Variants in CDC14B observed in about 807,000 individuals in gnomAD.
CDC14B encodes the protein cell division cycle 14B.
A neutral mutation model predicts 64.2 loss-of-function variants in CDC14B; 22 were observed. The observed-to-expected ratio is 0.34, with a 90% CI of 0.24 to 0.49. CDC14B has a LOEUF of 0.49. Ranked by LOEUF, CDC14B falls within the 20% of genes least tolerant of loss-of-function variation. CDC14B has a pLI of 0.99. For synonymous variants in CDC14B, 191 were observed against 215.8 expected (o/e 0.89, Z 1.01); for missense variants, 498 against 629.9 (o/e 0.79, Z 2.24).
intron 12 of CDC14B, among the ~76,000 whole-genome samples, chr9:96,514,011 A>C (rs1295251732): frequency 6.6e-6 from 1 of 152,256 alleles, no homozygotes; most frequent in East Asian, 1.9e-4. Flanking sequence ...TGGGGGTGCT[A>C]CAAAGATGAT....
chr9:96,510,444 G>A (rs1394552700), intron 12 of CDC14B, among the ~76,000 whole-genome samples: 1 of 151,998 alleles, frequency 6.6e-6, no homozygotes, highest in Admixed American at 6.6e-5. Context: ...AGAGTAGGCT[G>A]CCCAGGAGGA....
chr9:96,549,189 T>C (rs903013495), intron 5 of CDC14B, among the ~76,000 whole-genome samples: 5 of 152,172 alleles, frequency 3.3e-5, no homozygotes, highest in Admixed American at 6.5e-5. Flanking sequence ...GCAATAATCT[T>C]ATTTTTGTGA....
chr9:96,542,666 T>G (rs1454949369), intron 5 of CDC14B, among the ~76,000 whole-genome samples: 1 of 152,012 alleles, frequency 6.6e-6, no homozygotes, highest in Non-Finnish European at 1.5e-5. Flanking sequence ...CTTTTTTTTT[T>G]TTTTTTAAGG....
At chr9:96,548,345 G>C (rs975610826) in intron 5 of CDC14B, among the ~76,000 whole-genome samples, 1 of 151,988 alleles carries the variant, frequency 6.6e-6, no homozygotes, top group African/African-American at 2.4e-5. Context: ...GATAATACCA[G>C]AGAACAGAAA....
chr9:96,598,069 T>C (rs961327485), intron 1 of CDC14B, among the ~76,000 whole-genome samples: 15 of 151,926 alleles, frequency 9.9e-5, no homozygotes, highest in African/African-American at 3.4e-4. Flanking sequence ...TATAAGCAAA[T>C]CAAAAGGTAA....
At chr9:96,521,429 G>A (rs933793592) in intron 12 of CDC14B, among the ~76,000 whole-genome samples, 1 of 152,158 alleles carries the variant, frequency 6.6e-6, no homozygotes, top group Non-Finnish European at 1.5e-5. Flanking sequence ...CCACTAAGTT[G>A]CAAAAGAAAT....
rs1833702575 is a variant in CDC14B at position 96,503,127 on chromosome 9, C to G, written c.*626G>C. ...AAGTTTTAGGTTACTAAGGTACCACCTGGTCTTACAACATGCAACAGTGTT... is the reference window on the plus strand; with the variant it reads ...AAGTTTTAGGTTACTAAGGTACCACGTGGTCTTACAACATGCAACAGTGTT... On this transcript the variant is annotated 3_prime_UTR_variant, in exon 14 of 14. Coordinates refer to ENST00000375241, the MANE Select transcript of CDC14B (RefSeq NM_033331.4). 3 of 369,380 alleles carry G rather than the reference C, an allele frequency of 8.1e-6. No homozygotes were observed. The highest frequency in any genetic ancestry group is 9.2e-5 in the Admixed American group (2 of 21,804). The allele number at this position is 369,380 out of a possible 1,614,324, so 22.9% of individuals were successfully genotyped here. A position where few individuals can be genotyped will look rare whatever the true frequency, so the allele number is the denominator to read the frequency against.
intron 1 of CDC14B, among the ~76,000 whole-genome samples, chr9:96,604,155 T>C (rs894558605): frequency 1.3e-5 from 2 of 152,094 alleles, no homozygotes; most frequent in Non-Finnish European, 2.9e-5. Flanking sequence ...TCACTCCACA[T>C]TCACCGAAGT....
chr9:96,540,759 G>T (rs1839937250), intron 6 of CDC14B, among the ~76,000 whole-genome samples: 2 of 152,106 alleles, frequency 1.3e-5, no homozygotes, highest in African/African-American at 4.8e-5. Context: ...GCAACCAGAA[G>T]GTACCATTTA....
chr9:96,567,718 T>C (rs77821280), intron 1 of CDC14B, among the ~76,000 whole-genome samples: 170 of 152,284 alleles, frequency 1.1e-3, no homozygotes, highest in African/African-American at 3.5e-3. Flanking sequence ...AAAAAAATAG[T>C]ACAAATAAAT....
chr9:96,609,208 C>T (rs181729405), intron 1 of CDC14B, among the ~76,000 whole-genome samples: 1 of 152,150 alleles, frequency 6.6e-6, no homozygotes, highest in Non-Finnish European at 1.5e-5. Context: ...CAGTAATCCA[C>T]CTGCCATGGC....
chr9:96,579,038 G>A (rs1350624792), intron 1 of CDC14B, among the ~76,000 whole-genome samples: 2 of 151,896 alleles, frequency 1.3e-5, no homozygotes, highest in Non-Finnish European at 2.9e-5. Flanking sequence ...GGCTGGTCTC[G>A]AACTCTTGAC....
At chr9:96,505,155 T>G (rs1833946218) in intron 13 of CDC14B, among the ~76,000 whole-genome samples, 1 of 149,836 alleles carries the variant, frequency 6.7e-6, no homozygotes, top group African/African-American at 2.5e-5. Context: ...CACTCCAGCC[T>G]GGGTAACAGA....
chr9:96,498,036 G>A (rs1833325520), downstream of CDC14B, among the ~76,000 whole-genome samples: 1 of 152,218 alleles, frequency 6.6e-6, no homozygotes, highest in African/African-American at 2.4e-5. Context: ...GCACCGCCCA[G>A]GAAGAATTTC....
At chr9:96,613,809 C>G (rs1287532995) in intron 1 of CDC14B, among the ~76,000 whole-genome samples, 1 of 152,160 alleles carries the variant, frequency 6.6e-6, no homozygotes, top group Non-Finnish European at 1.5e-5. Context: ...TTCTACATAA[C>G]AGCATTCCTT....
intron 1 of CDC14B, among the ~76,000 whole-genome samples, chr9:96,615,603 T>G (rs996003460): frequency 6.6e-6 from 1 of 152,216 alleles, no homozygotes; most frequent in Non-Finnish European, 1.5e-5. Context: ...AATCCAATAT[T>G]AAGTGCTGGC....
At chr9:96,560,154 C>G (rs888963308) in intron 4 of CDC14B, among the ~76,000 whole-genome samples, 4 of 152,162 alleles carry the variant, frequency 2.6e-5, no homozygotes, top group Admixed American at 2.0e-4. Context: ...CTGTAGTCCT[C>G]GTGCCTGGCT....
At chr9:96,541,943 ACTTAC>A in intron 5 of CDC14B, 51 bp from the exon 6 acceptor site, 1 of 1,276,888 alleles carries the variant, frequency 7.8e-7, no homozygotes, top group Non-Finnish European at 1.1e-6. Context: ...CTGCAATTAC[ACTTAC>A]CTAAGACAAA....
intron 4 of CDC14B, among the ~76,000 whole-genome samples, chr9:96,558,728 AG>A (rs775344229): frequency 4.3e-4 from 65 of 152,360 alleles, no homozygotes; most frequent in Admixed American, 9.1e-4. Flanking sequence ...TTGAAATGAC[AG>A]GTTAAGTATC....
Sources: allele counts gnomAD v4.1 joint callset (sites outside exome capture counted in the v4.1 genomes callset), GRCh38; gene constraint gnomAD v4.1.1; transcripts MANE v1.5; gene names NCBI Gene and HGNC (gene_info 2026-07-23, HGNC 2026-07-21).